Variants in RYR3 observed in about 807,000 individuals in gnomAD.
RYR3 encodes brain ryanodine receptor-calcium release channel.
A neutral mutation model predicts 584.3 loss-of-function variants in RYR3; 207 were observed. The ratio of observed to expected loss-of-function variants is 0.35; its 90% CI spans 0.32 to 0.40. The LOEUF is 0.40. Among genes scored for constraint, RYR3 ranks in the 10% least tolerant of loss-of-function variants. The probability of loss-of-function intolerance (pLI) is 1.00; values close to 1 mark genes in which losing one functional copy is unlikely to be tolerated. For synonymous variants in RYR3, 2,416 were observed against 2,248.5 expected, an observed-to-expected ratio of 1.07 and a Z score of -2.11; for missense variants, 5,616 against 6,089.2, an observed-to-expected ratio of 0.92 and a Z score of 2.59.
At position 33,838,785 on chromosome 15, in the gene RYR3, A is replaced by G. The variant is rs756439853; in HGVS notation, c.12805A>G (p.Lys4269Glu). ...GITTELVHFIKGEKGDTDIMS... is the reference protein window; with the variant it reads ...GITTELVHFIEGEKGDTDIMS... ...CACCACTGAACTAGTACACTTCATA[A>G]AGGGGGAGAAGGGAGATACAGATAT... is the stretch of plus-strand genomic sequence containing the variant. Residue 4269 changes from lysine (K) to glutamate (E), a missense_variant, in exon 89 of 104, where the codon AAG becomes GAG. Physicochemically the swap from Lys to Glu is moderately conservative, Grantham distance 56 (BLOSUM62 1). This residue lies in a region of RYR3 where 918 missense variants were observed against 887.4 expected (regional missense o/e 1.03). Transcript: ENST00000634891. The G allele has an allele frequency of 6.2e-7, 1 of 1,613,920 alleles. No individual in the cohort carries two copies. Among genetic ancestry groups the G allele is most frequent in the East Asian group, 2.2e-5 (1 of 44,876 alleles).
chr15:33,776,088 G>C (rs1818036594), intron 64 of RYR3, among the ~76,000 whole-genome samples: 1 of 152,108 alleles, frequency 6.6e-6, no homozygotes, highest in Non-Finnish European at 1.5e-5. Context: ...ACCACCTTTT[G>C]CTGGCGTCTC....
chr15:33,827,392 T>A (rs1596846419), intron 85 of RYR3, 105 bp downstream of exon 85: 2 of 1,017,964 alleles, frequency 2.0e-6, no homozygotes, highest in South Asian at 2.9e-5. Flanking sequence ...CAAGCCCCTA[T>A]AAGGAAGGCG....
At chr15:33,559,158 A>G (rs552780971) in intron 10 of RYR3, among the ~76,000 whole-genome samples, 42 of 152,288 alleles carry the variant, frequency 2.8e-4, no homozygotes, top group African/African-American at 8.9e-4. Context: ...TTGGGTTTGC[A>G]TACCCAGATG....
intron 49 of RYR3, among the ~76,000 whole-genome samples, chr15:33,737,413 A>G (rs2069592335): frequency 6.6e-6 from 1 of 152,352 alleles, no homozygotes; most frequent in East Asian, 1.9e-4. Context: ...GGCACCTGCC[A>G]TATTCCCATA....
rs1208387921 is a variant in RYR3, at chr15:33,635,641, T to C, written c.3203T>C (p.Ile1068Thr). The C allele has an allele frequency of 6.2e-7, 1 of 1,613,972 alleles. No individual in the cohort carries two copies. Among genetic ancestry groups the C allele is most frequent in the Non-Finnish European group, 8.5e-7 (1 of 1,179,876 alleles). Residue 1068 changes from isoleucine (I) to threonine (T), a missense_variant, in exon 26 of 104, where the codon ATA becomes ACA. Coordinates refer to ENST00000634891, the MANE Select transcript of RYR3 (RefSeq NM_001036.6). The part of the protein sequence containing the change: ...LADSAVEKVS[I>T]DKIRFFRVER... ...GACTCGGCTGTGGAGAAGGTCAGCATAGACAAGATCCGATTTTTCCGGGTA... is the reference window on the plus strand; with the variant it reads ...GACTCGGCTGTGGAGAAGGTCAGCACAGACAAGATCCGATTTTTCCGGGTA...
In RYR3 at chr15:33,834,476, C is replaced by CTT. The variant is rs11337237; in HGVS notation, c.11464-479_11464-478dup. Among the ~76,000 whole-genome samples, 100 of 147,582 alleles carry CTT rather than the reference C, an allele frequency of 6.8e-4. 1 individual carries two copies. Among genetic ancestry groups the CTT allele is most frequent in the Admixed American group, 1.3e-3 (20 of 14,834 alleles). On this transcript the variant is annotated intron_variant, in intron 86 of 103. Coordinates refer to ENST00000634891, the MANE Select transcript of RYR3 (RefSeq NM_001036.6). ...TAAGATTATTACACAGATTTCTTTT[C>CTT]TTTTTTTTTTTTTTAACTTAATTAG...
intron 1 of RYR3, among the ~76,000 whole-genome samples, chr15:33,358,872 G>A (rs1156998456): frequency 6.6e-6 from 1 of 152,038 alleles, no homozygotes; most frequent in Admixed American, 6.6e-5. Flanking sequence ...CATGGCTGAG[G>A]GCTTAACTAG....
At position 33,848,538 on chromosome 15, in the gene RYR3, C is replaced by G. The variant is rs1263475583; in HGVS notation, c.13628+117C>G. 2.1e-5 allele frequency: 24 copies of G among 1,163,774 alleles called. No individual in the cohort carries two copies. The South Asian group carries it at 2.2e-4, about 11-fold the overall frequency. The allele number at this position is 1,163,774 out of a possible 1,614,324, so 72.1% of individuals were successfully genotyped here. A position where few individuals can be genotyped will look rare whatever the true frequency, so the allele number is the denominator to read the frequency against. On this transcript the variant is annotated intron_variant, in intron 94 of 103. Coordinates refer to ENST00000634891, the MANE Select transcript of RYR3 (RefSeq NM_001036.6). ...ATAAACTGTCTTTTGATTTCTAGGA[C>G]TTTTCTCCCTTGCCTCTTCAATAAA... is the stretch of plus-strand genomic sequence containing the variant.
Position 33,358,202 on chromosome 15 carries a change from C to T in RYR3, c.51+47106C>T, listed in dbSNP as rs1392155524. Among the ~76,000 whole-genome samples, 7 of 152,214 alleles carry T rather than the reference C, an allele frequency of 4.6e-5. No individual in the cohort carries two copies. The East Asian group carries it at 5.8e-4, about 13-fold the overall frequency. ...CTTGGTAAAGTGAGGATAATAATGC[C>T]GACTTCATGGACTTATTTTCCAGGT... On this transcript the variant is annotated intron_variant, in intron 1 of 103. Transcript: ENST00000634891.
intron 80 of RYR3, 121 bp downstream of exon 80, chr15:33,821,723 C>T (rs1020681788): frequency 1.8e-5 from 16 of 898,972 alleles, no homozygotes; most frequent in East Asian, 2.6e-5. Context: ...ACTTAGCTCA[C>T]GTTTGTCCTT....
chr15:33,746,803 C>CTTTTTTTT (rs367738785), intron 53 of RYR3, among the ~76,000 whole-genome samples: 1 of 135,692 alleles, frequency 7.4e-6, no homozygotes, highest in Non-Finnish European at 1.6e-5. Context: ...TTTCTTTCTT[C>CTTTTTTTT]TTTTTTTTTT....
In RYR3 at chr15:33,633,051, A is replaced by T; in HGVS notation, c.2970A>T (p.Ala990=). The change falls in exon 24 of 104, where the codon GCA becomes GCT. Residue 990 remains alanine, a synonymous_variant. Coordinates refer to ENST00000634891, the MANE Select transcript of RYR3 (RefSeq NM_001036.6). ...TAGTGGATAAGCTTGCAGAAAATGCACACAATGTTTGGGCAAAAGACAGAA... is the reference window on the plus strand; with the variant it reads ...TAGTGGATAAGCTTGCAGAAAATGCTCACAATGTTTGGGCAAAAGACAGAA... The part of the protein sequence containing the change: ...EILVDKLAEN[A]HNVWAKDRIK... 1.9e-6 allele frequency: 3 copies of T among 1,614,076 alleles called. No individual in the cohort carries two copies. Among genetic ancestry groups the T allele is most frequent in the Non-Finnish European group, 2.5e-6 (3 of 1,179,894 alleles).
intron 64 of RYR3, among the ~76,000 whole-genome samples, chr15:33,774,188 C>G (rs2073832214): frequency 6.6e-6 from 1 of 152,218 alleles, no homozygotes; most frequent in Admixed American, 6.5e-5. Context: ...CTTGTCACAG[C>G]AGAGACCCTC....
chr15:33,601,375 C>G lies in RYR3; in HGVS notation c.1789-44C>G, dbSNP rs1567636147. 4 of 1,598,652 alleles carry G rather than the reference C, an allele frequency of 2.5e-6. No individual in the cohort carries two copies. The Admixed American group carries it at 5.1e-5, about 20-fold the overall frequency. Reference sequence around the variant, plus strand: ...CATTGTGGTGGTCCTGCCTGCTGTGCCCTCCTGGTGGTCCTAAGGTTTGGT... The same window carrying G: ...CATTGTGGTGGTCCTGCCTGCTGTGGCCTCCTGGTGGTCCTAAGGTTTGGT... On this transcript the variant is annotated intron_variant, in intron 16 of 103. Transcript: ENST00000634891.
At chr15:33,413,118 C>T (rs907205275) in intron 1 of RYR3, among the ~76,000 whole-genome samples, 18 of 152,212 alleles carry the variant, frequency 1.2e-4, no homozygotes, top group Admixed American at 3.3e-4. Context: ...CTTCCAACCT[C>T]TTGAATTCTG....
chr15:33,477,892 A>G (rs2049557400), intron 2 of RYR3, among the ~76,000 whole-genome samples: 1 of 110,652 alleles, frequency 9.0e-6, no homozygotes, highest in Non-Finnish European at 2.1e-5. Context: ...AAAAAAAAAA[A>G]AAAAAAAAAA....
chr15:33,770,144 G>A lies in RYR3; in HGVS notation c.8816+972G>A, dbSNP rs139672631. The stretch of plus-strand genomic sequence containing the variant: ...TTTAAAAAAAAAAAAAGAAAGAAAC[G>A]TCTTTATCAAAATTGGGAGGAGGAC... On this transcript the variant is annotated intron_variant, in intron 62 of 103. Coordinates refer to ENST00000634891, the MANE Select transcript of RYR3 (RefSeq NM_001036.6). Among the ~76,000 whole-genome samples the A allele has an allele frequency of 2.3e-3, 344 of 146,500 alleles. 1 individual carries two copies. Among genetic ancestry groups the A allele is most frequent in the African/African-American group, 8.2e-3 (331 of 40,594 alleles).
intron 55 of RYR3, 32 bp from the exon 56 acceptor site, chr15:33,749,947 T>G (rs745701306): frequency 6.2e-7 from 1 of 1,600,406 alleles, no homozygotes; most frequent in Non-Finnish European, 8.5e-7. Flanking sequence ...GCTTTCTTTC[T>G]TTTTGACTTG....
chr15:33,621,741 G>A (rs952334740), intron 19 of RYR3, among the ~76,000 whole-genome samples: 1 of 152,034 alleles, frequency 6.6e-6, no homozygotes, highest in Admixed American at 6.6e-5. Flanking sequence ...CAGATAAAGT[G>A]TCTGCTCTTA....
Sources: gnomAD v4.1 joint callset for allele counts (sites outside exome capture counted in the v4.1 genomes callset) on GRCh38, gnomAD v4.1.1 for gene constraint, gnomAD v4.1.1 regional missense constraint, MANE v1.5 for transcripts, NCBI Gene and HGNC (gene_info 2026-07-23, HGNC 2026-07-21) for gene names.